HNRNPM: variants seen among roughly 807,000 people sequenced by gnomAD.
HNRNPM encodes the protein CEA receptor.
HNRNPM carries 11 observed loss-of-function variants against 73.1 expected under a neutral mutation model. The ratio of observed to expected loss-of-function variants is 0.15; its 90% CI spans 0.09 to 0.25. The LOEUF (loss-of-function observed/expected upper bound fraction) is 0.25. Ranked by LOEUF, HNRNPM falls within the 10% of genes least tolerant of loss-of-function variation. The pLI, the probability that HNRNPM is intolerant of heterozygous loss-of-function variation, is 1.00. For synonymous variants in HNRNPM, 407 were observed against 355.2 expected, an observed-to-expected ratio of 1.15 and a Z score of -1.64; for missense variants, 789 against 1,067.9, an observed-to-expected ratio of 0.74 and a Z score of 3.64.
chr19:8,467,087 T>C (rs1472776620), intron 7 of HNRNPM, among the ~76,000 whole-genome samples: 3 of 152,056 alleles, frequency 2.0e-5, no homozygotes, highest in Non-Finnish European at 2.9e-5. Context: ...AAGAGGCCAC[T>C]TCTCCTTGAC....
At chr19:8,478,848 A>G (rs571292199) in intron 12 of HNRNPM, among the ~76,000 whole-genome samples, 2 of 152,186 alleles carry the variant, frequency 1.3e-5, no homozygotes, top group African/African-American at 4.8e-5. Flanking sequence ...AAGCCCTGCT[A>G]ATTGGGGCAG....
Position 8,471,423 on chromosome 19 carries a change from C to T in HNRNPM, c.993C>T (p.Pro331=), listed in dbSNP as rs377274946. The change falls in exon 10 of 16, where the codon CCC becomes CCT. Residue 331 remains proline (P), a synonymous_variant. Transcript: ENST00000325495. The part of the protein sequence containing the change: ...NKGIGMGNIG[P]AGMGMEGIGF... ...GCATCGGAATGGGAAACATAGGTCC[C>T]GCAGGTGAGAATGACAGTGCACCTT... The T allele has an allele frequency of 5.0e-5, 79 of 1,587,670 alleles. No homozygotes were observed. The highest frequency in any genetic ancestry group is 6.3e-5 in the Non-Finnish European group (73 of 1,164,658).
At chr19:8,445,329 C>T (rs1968064409) in intron 1 of HNRNPM, 2 of 403,742 alleles carry the variant, frequency 5.0e-6, no homozygotes, top group Admixed American at 4.5e-5. Context: ...AGCCTCGCCA[C>T]CCTCAGTCCC....
chr19:8,469,251 A>G (rs1969969172), intron 9 of HNRNPM, among the ~76,000 whole-genome samples: 1 of 152,238 alleles, frequency 6.6e-6, no homozygotes, highest in South Asian at 2.1e-4. Flanking sequence ...CACATGCTGC[A>G]GTGTGGATGA....
intron 10 of HNRNPM, among the ~76,000 whole-genome samples, chr19:8,471,829 T>G (rs1381308580): frequency 6.6e-6 from 1 of 152,142 alleles, no homozygotes; most frequent in Non-Finnish European, 1.5e-5. Context: ...TGGGCCCTCC[T>G]GGTGTTTGCA....
intron 1 of HNRNPM, among the ~76,000 whole-genome samples, chr19:8,448,186 A>C (rs1314336087): frequency 6.6e-6 from 1 of 152,200 alleles, no homozygotes; most frequent in Non-Finnish European, 1.5e-5. Flanking sequence ...TTTCTCTACC[A>C]GGAGTGGAGT....
chr19:8,471,313 C>G lies in HNRNPM; in HGVS notation c.896-13C>G, dbSNP rs757244136. 7.9e-6 allele frequency: 12 copies of G among 1,526,734 alleles called. No individual in the cohort carries two copies. Among genetic ancestry groups the G allele is most frequent in the Non-Finnish European group, 1.1e-5 (12 of 1,128,192 alleles). The allele number at this position is 1,526,734 out of a possible 1,614,324, so 94.6% of individuals were successfully genotyped here. Reference sequence around the variant, plus strand: ...ATAGGGGAAAACTAAGCTTCTTTCTCTTTTCTTTCCAGATGGCCTTGGTGG... The same window carrying G: ...ATAGGGGAAAACTAAGCTTCTTTCTGTTTTCTTTCCAGATGGCCTTGGTGG... On this transcript the variant is annotated splice_polypyrimidine_tract_variant and intron_variant, in intron 9 of 15. Coordinates refer to ENST00000325495, the MANE Select transcript of HNRNPM (RefSeq NM_005968.5).
chr19:8,456,719 A>G (rs751082193), intron 2 of HNRNPM, among the ~76,000 whole-genome samples: 2 of 152,182 alleles, frequency 1.3e-5, no homozygotes, highest in Non-Finnish European at 2.9e-5. Flanking sequence ...TGACCATGAC[A>G]TGCAAGAAGC....
intron 9 of HNRNPM, among the ~76,000 whole-genome samples, chr19:8,470,630 G>C (rs529098585): frequency 2.0e-5 from 3 of 152,156 alleles, no homozygotes; most frequent in South Asian, 2.1e-4. Flanking sequence ...GCCTGCCCTT[G>C]TTACGATTTT....
intron 10 of HNRNPM, 129 bp downstream of exon 10, chr19:8,471,556 T>A (rs1454521731): frequency 6.5e-6 from 3 of 461,150 alleles, no homozygotes; most frequent in African/African-American, 2.0e-5. Flanking sequence ...TCCTTATTCA[T>A]CTCTGCCTCA....
At chr19:8,469,041 A>T (rs10421511) in intron 9 of HNRNPM, among the ~76,000 whole-genome samples, 1 of 152,170 alleles carries the variant, frequency 6.6e-6, no homozygotes, top group East Asian at 1.9e-4. Flanking sequence ...TAATCCTAGG[A>T]TTGTAATACC....
chr19:8,474,376 T>C, intron 12 of HNRNPM, 132 bp downstream of exon 12: 2 of 566,336 alleles, frequency 3.5e-6, no homozygotes, highest in Non-Finnish European at 6.2e-6. Flanking sequence ...AAATGTCTTT[T>C]GAATTGCCTT....
chr19:8,482,528 C>T (rs1485431927), intron 12 of HNRNPM: 3 of 152,218 alleles, frequency 2.0e-5, no homozygotes, highest in African/African-American at 7.2e-5. Context: ...TTTCCTGAAA[C>T]CTTATCTGTT....
At chr19:8,445,325 G>A (rs1414817213) in intron 1 of HNRNPM, 2 of 408,428 alleles carry the variant, frequency 4.9e-6, no homozygotes. Context: ...CTCGAGCCTC[G>A]CCACCCTCAG....
chr19:8,448,913 C>G (rs1968415524), intron 1 of HNRNPM, among the ~76,000 whole-genome samples: 1 of 152,108 alleles, frequency 6.6e-6, no homozygotes, highest in African/African-American at 2.4e-5. Flanking sequence ...ATCAAGAAAA[C>G]TTTCGTTTTA....
intron 12 of HNRNPM, among the ~76,000 whole-genome samples, chr19:8,477,108 T>G (rs1414657482): frequency 6.6e-6 from 1 of 152,152 alleles, no homozygotes; most frequent in African/African-American, 2.4e-5. Flanking sequence ...AAGGTGTTCA[T>G]TACATCGCAC....
chr19:8,478,915 G>A (rs996211450), intron 12 of HNRNPM, among the ~76,000 whole-genome samples: 3 of 152,134 alleles, frequency 2.0e-5, no homozygotes, highest in Non-Finnish European at 4.4e-5. Context: ...GATGGAGTGA[G>A]TTGTGCACTT....
chr19:8,451,480 AG>A (rs1204810314), intron 1 of HNRNPM, among the ~76,000 whole-genome samples: 2 of 152,286 alleles, frequency 1.3e-5, no homozygotes, highest in African/African-American at 4.8e-5. Context: ...AGAGCTTTTC[AG>A]GACATCACTT....
intron 15 of HNRNPM, 127 bp downstream of exon 15, chr19:8,487,202 C>T: frequency 1.3e-6 from 1 of 797,148 alleles, no homozygotes; most frequent in South Asian, 1.4e-5. Context: ...CCATGTTCTG[C>T]CCACGCCAAT....
Sources: gnomAD v4.1 joint callset for allele counts (sites outside exome capture counted in the v4.1 genomes callset) on GRCh38, gnomAD v4.1.1 for gene constraint, MANE v1.5 for transcripts, NCBI Gene and HGNC (gene_info 2026-07-23, HGNC 2026-07-21) for gene names.